The following SORCS3 variants were observed in gnomAD, a reference collection of about 807,000 sequenced individuals.
SORCS3 encodes sortilin related VPS10 domain containing receptor 3, also known as VPS10 domain-containing receptor SorCS3.
Under a neutral mutation model 146.3 loss-of-function variants are expected in SORCS3, and 57 were observed. The observed-to-expected ratio is 0.39, with a 90% CI of 0.31 to 0.49. The LOEUF is 0.49. Ranked by LOEUF, SORCS3 falls within the 20% of genes least tolerant of loss-of-function variation. SORCS3 has a pLI of 0.92. For synonymous variants in SORCS3, 653 were observed against 618.5 expected, an observed-to-expected ratio of 1.06 and a Z score of -0.83; for missense variants, 1,341 against 1,575.5, an observed-to-expected ratio of 0.85 and a Z score of 2.52.
chr10:104,734,826 G>A (rs2016749148), intron 1 of SORCS3, among the ~76,000 whole-genome samples: 3 of 152,126 alleles, frequency 2.0e-5, no homozygotes, highest in Admixed American at 2.0e-4. Context: ...ATAGCTTTGT[G>A]ATCTTGACTG....
At chr10:105,191,937 A>G (rs1589681367) in intron 14 of SORCS3, among the ~76,000 whole-genome samples, 2 of 152,148 alleles carry the variant, frequency 1.3e-5, no homozygotes, top group African/African-American at 4.8e-5. Flanking sequence ...GCCAAATACA[A>G]TGTCTAGACT....
chr10:104,913,766 C>CTTTTTTTTTTTTTTTTTTTTTTTTTTTT, intron 2 of SORCS3, among the ~76,000 whole-genome samples: 1 of 106,482 alleles, frequency 9.4e-6, no homozygotes, highest in Non-Finnish European at 1.8e-5. Flanking sequence ...TATCCCCATT[C>CTTTTTTTTTTTTTTTTTTTTTTTTTTTT]TTTTTTTTTT....
At chr10:105,014,062 A>G (rs1390230950) in intron 4 of SORCS3, among the ~76,000 whole-genome samples, 2 of 128,352 alleles carry the variant, frequency 1.6e-5, no homozygotes, top group African/African-American at 6.6e-5. Context: ...CACAGATCTA[A>G]ATATACATAT....
chr10:104,955,095 G>A (rs1175237837), intron 3 of SORCS3, among the ~76,000 whole-genome samples: 1 of 152,022 alleles, frequency 6.6e-6, no homozygotes, highest in Non-Finnish European at 1.5e-5. Context: ...TGCACAATGT[G>A]GTGTAATCAC....
chr10:104,909,644 C>T (rs2018945438), intron 2 of SORCS3, among the ~76,000 whole-genome samples: 1 of 151,960 alleles, frequency 6.6e-6, no homozygotes, highest in Non-Finnish European at 1.5e-5. Flanking sequence ...ATGTGCTCAC[C>T]CAGATTGAGA....
chr10:105,154,052 T>C (rs1220092165), intron 9 of SORCS3, among the ~76,000 whole-genome samples: 2 of 128,484 alleles, frequency 1.6e-5, no homozygotes, highest in East Asian at 4.2e-4. Context: ...CCCAGGTGAC[T>C]GAGTGAGACT....
At chr10:104,969,737 T>C (rs1026335444) in intron 3 of SORCS3, among the ~76,000 whole-genome samples, 1 of 152,140 alleles carries the variant, frequency 6.6e-6, no homozygotes, top group Non-Finnish European at 1.5e-5. Context: ...AATTTCTTTA[T>C]GTGTGTGTGC....
intron 21 of SORCS3, among the ~76,000 whole-genome samples, chr10:105,246,426 G>A (rs1427611237): frequency 1.3e-5 from 2 of 149,594 alleles, no homozygotes; most frequent in Non-Finnish European, 3.0e-5. Flanking sequence ...TTTTTTTTAT[G>A]TATTATACTT....
chr10:104,761,584 C>T (rs1464795442), intron 1 of SORCS3, among the ~76,000 whole-genome samples: 1 of 152,154 alleles, frequency 6.6e-6, no homozygotes, highest in Non-Finnish European at 1.5e-5. Context: ...GCTGAGATCC[C>T]TCTGCTTCTT....
intron 4 of SORCS3, among the ~76,000 whole-genome samples, chr10:105,039,075 T>TA (rs1232457453): frequency 1.3e-5 from 2 of 152,240 alleles, no homozygotes; most frequent in African/African-American, 2.4e-5. Flanking sequence ...TTGACCTTTG[T>TA]AACCTCAGCT....
chr10:104,803,722 C>A (rs186796931), intron 1 of SORCS3, among the ~76,000 whole-genome samples: 1 of 152,266 alleles, frequency 6.6e-6, no homozygotes, highest in Non-Finnish European at 1.5e-5. Flanking sequence ...AGTCCCCAGG[C>A]TCATTTATTC....
At chr10:104,761,588 G>A (rs2017122984) in intron 1 of SORCS3, among the ~76,000 whole-genome samples, 1 of 152,134 alleles carries the variant, frequency 6.6e-6, no homozygotes, top group Non-Finnish European at 1.5e-5. Context: ...AGATCCCTCT[G>A]CTTCTTGCAG....
At chr10:105,009,523 CAAACA>C (rs1467286693) in intron 4 of SORCS3, among the ~76,000 whole-genome samples, 34 of 49,000 alleles carry the variant, frequency 6.9e-4, no homozygotes, top group Non-Finnish European at 8.4e-4. Flanking sequence ...AACAAACAAA[CAAACA>C]AAAAAAAAAA....
intron 3 of SORCS3, among the ~76,000 whole-genome samples, chr10:104,940,604 T>C (rs938891056): frequency 6.6e-6 from 1 of 152,014 alleles, no homozygotes; most frequent in African/African-American, 2.4e-5. Flanking sequence ...TAGTATTCCA[T>C]GGTATATATG....
intron 20 of SORCS3, among the ~76,000 whole-genome samples, chr10:105,226,424 A>AT (rs2056734355): frequency 6.6e-6 from 1 of 151,668 alleles, no homozygotes. Flanking sequence ...CTTGATGTAT[A>AT]TTTTTTTCTG....
chr10:105,188,508 A>G (rs1396291378), intron 14 of SORCS3, among the ~76,000 whole-genome samples: 1 of 152,160 alleles, frequency 6.6e-6, no homozygotes, highest in Non-Finnish European at 1.5e-5. Context: ...TGATGAAATT[A>G]ATACTAAATC....
At chr10:105,214,077 G>A (rs1486781165) in intron 17 of SORCS3, among the ~76,000 whole-genome samples, 1 of 152,150 alleles carries the variant, frequency 6.6e-6, no homozygotes, top group African/African-American at 2.4e-5. Context: ...TCCCTCACAA[G>A]TAGAAGCACC....
intron 1 of SORCS3, among the ~76,000 whole-genome samples, chr10:104,839,445 G>T (rs2018112221): frequency 6.6e-6 from 1 of 152,186 alleles, no homozygotes; most frequent in African/African-American, 2.4e-5. Context: ...GAGCATGAAA[G>T]AAAGCAGAGA....
At chr10:105,261,695 C>T (rs529538325) in intron 25 of SORCS3, among the ~76,000 whole-genome samples, 11 of 152,300 alleles carry the variant, frequency 7.2e-5, no homozygotes, top group African/African-American at 1.2e-4. Flanking sequence ...GTCTGCCTTG[C>T]GTTTCCAAAT....
Sources: allele counts gnomAD v4.1 joint callset (sites outside exome capture counted in the v4.1 genomes callset), GRCh38; gene constraint gnomAD v4.1.1; transcripts MANE v1.5; gene names NCBI Gene and HGNC (gene_info 2026-07-23, HGNC 2026-07-21).